FUT9: variants seen among roughly 807,000 people sequenced by gnomAD.
The protein encoded by FUT9 is 4-galactosyl-N-acetylglucosaminide 3-alpha-L-fucosyltransferase 9.
A neutral mutation model predicts 29.7 loss-of-function variants in FUT9; 15 were observed. The ratio of observed to expected loss-of-function variants is 0.51; its 90% CI spans 0.34 to 0.78. The LOEUF (loss-of-function observed/expected upper bound fraction) is 0.78, where lower values mean the gene tolerates loss of function less well. Ranked by LOEUF, FUT9 falls within the 30% of genes least tolerant of loss-of-function variation. The pLI, the probability that FUT9 is intolerant of heterozygous loss-of-function variation, is 0.01. For synonymous variants in FUT9, 169 were observed against 153.7 expected (o/e 1.10, Z -0.74); for missense variants, 319 against 425.4 (o/e 0.75, Z 2.20).
chr6:96,147,653 A>G (rs1772596672), intron 2 of FUT9, among the ~76,000 whole-genome samples: 1 of 152,036 alleles, frequency 6.6e-6, no homozygotes, highest in Non-Finnish European at 1.5e-5. Context: ...AGCAATGTGA[A>G]CATTTGCCAC....
intron 2 of FUT9, 149 bp downstream of exon 2, chr6:96,114,276 G>A (rs1582241086): frequency 6.6e-6 from 1 of 151,902 alleles, no homozygotes; most frequent in Non-Finnish European, 1.5e-5. Flanking sequence ...GCTTCTATGA[G>A]GAGATCTTTT....
rs1439135363 is a variant in FUT9 at position 96,142,300 on chromosome 6, A to C, written c.-9+28173A>C. Among the ~76,000 whole-genome samples, 4 of 152,312 alleles carry C rather than the reference A, an allele frequency of 2.6e-5. No individual in the cohort carries two copies. The East Asian group carries it at 7.7e-4, about 29-fold the overall frequency. ...TAATCTCATATCTTGAGAAATACTCAATTTTATTCCTTCTGGCTATAAATG... is the reference window on the plus strand; with the variant it reads ...TAATCTCATATCTTGAGAAATACTCCATTTTATTCCTTCTGGCTATAAATG... On this transcript the variant is annotated intron_variant, in intron 2 of 2. Transcript: ENST00000302103.
Position 96,205,334 on chromosome 6 carries a change from G to A in FUT9, c.*1099G>A, listed in dbSNP as rs906478631. 1.8e-5 allele frequency: 3 copies of A among 166,998 alleles called. No homozygotes were observed. Among genetic ancestry groups the A allele is most frequent in the Non-Finnish European group, 2.9e-5 (2 of 68,086 alleles). 10.3% of individuals were successfully genotyped at this position (166,998 alleles called of 1,614,324 possible). ...AGAAAACACACAGTGTTAGCACACA[G>A]TAAGATCTCAATGCACATTTGTTGG... On this transcript the variant is annotated 3_prime_UTR_variant, in exon 3 of 3. Coordinates refer to ENST00000302103, the MANE Select transcript of FUT9 (RefSeq NM_006581.4).
At chr6:96,021,758 A>G (rs1770073541) in intron 1 of FUT9, among the ~76,000 whole-genome samples, 1 of 152,114 alleles carries the variant, frequency 6.6e-6, no homozygotes, top group African/African-American at 2.4e-5. Flanking sequence ...TACGTATTAC[A>G]TGTCATCTGA....
At position 96,213,850 on chromosome 6, in the gene FUT9, T is replaced by C. The variant is rs997402426; in HGVS notation, c.*9615T>C. 1.8e-5 allele frequency: 3 copies of C among 166,980 alleles called. No homozygotes were observed. The highest frequency in any genetic ancestry group is 4.4e-5 in the Non-Finnish European group (3 of 68,048). 10.3% of individuals were successfully genotyped at this position (166,980 alleles called of 1,614,324 possible). A position where few individuals can be genotyped will look rare whatever the true frequency, so the allele number is the denominator to read the frequency against. Reference sequence around the variant, plus strand: ...TAGCTAATGCATGTTTGAAATAAGATGTGTTAGAAATTATATGACTATATT... The same window carrying C: ...TAGCTAATGCATGTTTGAAATAAGACGTGTTAGAAATTATATGACTATATT... On this transcript the variant is annotated 3_prime_UTR_variant, in exon 3 of 3. Transcript: ENST00000302103.
intron 2 of FUT9, among the ~76,000 whole-genome samples, chr6:96,156,013 T>C (rs1772778704): frequency 6.6e-6 from 1 of 152,206 alleles, no homozygotes; most frequent in African/African-American, 2.4e-5. Flanking sequence ...TTCCAACATT[T>C]TAATTTAGGG....
intron 1 of FUT9, among the ~76,000 whole-genome samples, chr6:96,065,530 T>C (rs1424040748): frequency 6.6e-6 from 1 of 152,144 alleles, no homozygotes; most frequent in African/African-American, 2.4e-5. Context: ...GTGACCAGTA[T>C]GTTAATAAGT....
intron 1 of FUT9, among the ~76,000 whole-genome samples, chr6:96,020,411 A>T (rs1770047465): frequency 6.6e-6 from 1 of 152,070 alleles, no homozygotes; most frequent in Admixed American, 6.6e-5. Flanking sequence ...CCATATGTTT[A>T]TTTATTTTTA....
intron 2 of FUT9, among the ~76,000 whole-genome samples, chr6:96,119,380 T>C (rs1372824371): frequency 1.3e-5 from 2 of 152,188 alleles, no homozygotes; most frequent in Non-Finnish European, 2.9e-5. Flanking sequence ...CTAGAAACAA[T>C]AGCCTAAGTG....
At chr6:96,019,027 G>T (rs571414281) in intron 1 of FUT9, among the ~76,000 whole-genome samples, 1 of 151,498 alleles carries the variant, frequency 6.6e-6, no homozygotes, top group Non-Finnish European at 1.5e-5. Flanking sequence ...TGAATTTTAG[G>T]ATATGACTCC....
chr6:96,094,323 A>G (rs1250033431), intron 1 of FUT9, among the ~76,000 whole-genome samples: 4 of 152,146 alleles, frequency 2.6e-5, no homozygotes, highest in African/African-American at 9.7e-5. Context: ...TTGTCACAGT[A>G]TCTCAGTGCT....
chr6:96,074,146 T>C (rs1209235044), intron 1 of FUT9, among the ~76,000 whole-genome samples: 1 of 152,162 alleles, frequency 6.6e-6, no homozygotes, highest in Non-Finnish European at 1.5e-5. Context: ...GTTTTTAACA[T>C]AAAATTTGTA....
chr6:96,054,673 T>A (rs139391665), intron 1 of FUT9, among the ~76,000 whole-genome samples: 339 of 152,298 alleles, frequency 2.2e-3, no homozygotes, highest in Middle Eastern at 0.02. Flanking sequence ...GTTGGAAGTT[T>A]AGGCAGAAAT....
chr6:96,166,878 T>C (rs1773024851), intron 2 of FUT9, among the ~76,000 whole-genome samples: 1 of 152,172 alleles, frequency 6.6e-6, no homozygotes. Context: ...CCCAACACCA[T>C]GTAAATGCTA....
intron 1 of FUT9, among the ~76,000 whole-genome samples, chr6:96,113,583 C>A (rs1015385511): frequency 6.7e-6 from 1 of 148,994 alleles, no homozygotes; most frequent in Non-Finnish European, 1.5e-5. Context: ...GGGCTGGGTG[C>A]GGTGGCTCAC....
chr6:96,089,287 C>G (rs1223705548), intron 1 of FUT9, among the ~76,000 whole-genome samples: 1 of 152,068 alleles, frequency 6.6e-6, no homozygotes, highest in African/African-American at 2.4e-5. Context: ...GGATACTTTC[C>G]CCTGAGAATT....
intron 2 of FUT9, among the ~76,000 whole-genome samples, chr6:96,127,490 G>T (rs1262068494): frequency 6.6e-6 from 1 of 152,080 alleles, no homozygotes; most frequent in Non-Finnish European, 1.5e-5. Flanking sequence ...GAATAGTGCT[G>T]CAGTGAACAT....
rs1004650342 is a variant in FUT9 at position 96,075,429 on chromosome 6, T to C, written c.-97-38610T>C. ...ATATTTAGCATCTGTAAGAAAATGA[T>C]GGAAATTTTGTGCTTCAGAAATGAA... On this transcript the variant is annotated intron_variant, in intron 1 of 2. Transcript: ENST00000302103. Among the ~76,000 whole-genome samples, 9 of 152,304 alleles carry C rather than the reference T, an allele frequency of 5.9e-5. No homozygotes were observed. The South Asian group carries it at 1.2e-3, about 21-fold the overall frequency.
chr6:96,044,984 T>G (rs1770537801), intron 1 of FUT9, among the ~76,000 whole-genome samples: 1 of 152,184 alleles, frequency 6.6e-6, no homozygotes, highest in Non-Finnish European at 1.5e-5. Context: ...CTGATTTCAT[T>G]TGCTAAAGTT....
Sources: gnomAD v4.1 joint callset for allele counts (sites outside exome capture counted in the v4.1 genomes callset) on GRCh38, gnomAD v4.1.1 for gene constraint, MANE v1.5 for transcripts, NCBI Gene and HGNC (gene_info 2026-07-23, HGNC 2026-07-21) for gene names.